RBFOX1: variants seen among roughly 807,000 people sequenced by gnomAD.
The protein encoded by RBFOX1 is RNA binding fox-1 homolog 1.
Under a neutral mutation model 57.7 loss-of-function variants are expected in RBFOX1, and 8 were observed. The observed-to-expected ratio is 0.14, with a 90% CI of 0.08 to 0.25. The LOEUF is 0.25. RBFOX1 is among the 10% of genes least tolerant of loss of function. The pLI, the probability that RBFOX1 is intolerant of heterozygous loss-of-function variation, is 1.00. For synonymous variants in RBFOX1, 326 were observed against 222.4 expected (o/e 1.47, Z -4.15); for missense variants, 611 against 548.5 (o/e 1.11, Z -1.14).
At chr16:6,721,303 C>T (rs62015937) in intron 3 of RBFOX1, among the ~76,000 whole-genome samples, 10,566 of 152,106 alleles carry the variant, frequency 0.069, 433 homozygotes, top group African/African-American at 0.083. Flanking sequence ...ATTAGCTGGG[C>T]ATGGTGGCGG....
At chr16:5,993,115 C>T (rs1040252677) in intron 4 of RBFOX1, among the ~76,000 whole-genome samples, 9 of 152,106 alleles carry the variant, frequency 5.9e-5, no homozygotes, top group Non-Finnish European at 8.8e-5. Context: ...GAAAGAGATA[C>T]GGAACAAGCC....
chr16:7,003,868 T>C (rs1393370966), intron 3 of RBFOX1: 3 of 152,162 alleles, frequency 2.0e-5, no homozygotes, highest in South Asian at 4.1e-4. Context: ...TTTCAGATGA[T>C]TGGTTATTTG....
rs370976631 is a variant in RBFOX1 at position 6,671,875 on chromosome 16, C to T, written c.-16+17225C>T. ...TAAGAGTTCATGAAATTTTTGTGTG[C>T]CATTTTACATTCACACTGCCTTTTC... On this transcript the variant is annotated intron_variant, in intron 3 of 15. Coordinates refer to ENST00000550418, the MANE Select transcript of RBFOX1 (RefSeq NM_018723.4). Among the ~76,000 whole-genome samples the T allele has an allele frequency of 3.3e-5, 5 of 152,164 alleles. No individual in the cohort carries two copies. The East Asian group carries it at 7.7e-4, about 23-fold the overall frequency.
At chr16:6,667,410 A>C (rs1416763905) in intron 3 of RBFOX1, among the ~76,000 whole-genome samples, 1 of 152,136 alleles carries the variant, frequency 6.6e-6, no homozygotes, top group African/African-American at 2.4e-5. Flanking sequence ...AGGATTCTAA[A>C]AGGCCTGGCT....
chr16:6,850,460 G>A (rs2141945923), intron 3 of RBFOX1, among the ~76,000 whole-genome samples: 1 of 152,166 alleles, frequency 6.6e-6, no homozygotes, highest in South Asian at 2.1e-4. Flanking sequence ...GGTTTGAGTT[G>A]AGAGCTTATC....
intron 2 of RBFOX1, among the ~76,000 whole-genome samples, chr16:5,542,425 T>G (rs1021655437): frequency 6.6e-5 from 10 of 151,364 alleles, no homozygotes; most frequent in Non-Finnish European, 1.5e-4. Flanking sequence ...ATTTTTTTTT[T>G]TTTTTGTATT....
At chr16:6,402,615 C>G (rs1256605983) in intron 2 of RBFOX1, among the ~76,000 whole-genome samples, 61 of 152,196 alleles carry the variant, frequency 4.0e-4, no homozygotes, top group Non-Finnish European at 4.4e-5. Flanking sequence ...TTGCTGTCCT[C>G]TGCCTCCTTC....
At chr16:5,703,307 T>G (rs899148303) in intron 3 of RBFOX1, among the ~76,000 whole-genome samples, 2 of 152,110 alleles carry the variant, frequency 1.3e-5, no homozygotes, top group Admixed American at 1.3e-4. Context: ...ACCAAGGCTT[T>G]TTGAAAGATG....
intron 4 of RBFOX1, among the ~76,000 whole-genome samples, chr16:5,869,838 G>A (rs1337820370): frequency 2.0e-5 from 3 of 152,022 alleles, no homozygotes; most frequent in East Asian, 1.9e-4. Flanking sequence ...CAAGAGAAAC[G>A]GTGCTTATGT....
At chr16:7,415,304 C>G (rs559632168) in intron 4 of RBFOX1, among the ~76,000 whole-genome samples, 1 of 152,214 alleles carries the variant, frequency 6.6e-6, no homozygotes, top group Non-Finnish European at 1.5e-5. Flanking sequence ...CATTATAATC[C>G]AAGATAAATC....
At chr16:7,470,461 GTGGATGGA>G (rs111579800) in intron 4 of RBFOX1, among the ~76,000 whole-genome samples, 1 of 152,088 alleles carries the variant, frequency 6.6e-6, no homozygotes, top group South Asian at 2.1e-4. Context: ...GGGTGGATGA[GTGGATGGA>G]TGGATGGATG....
intron 4 of RBFOX1, among the ~76,000 whole-genome samples, chr16:7,437,707 A>T (rs928696277): frequency 1.3e-5 from 2 of 152,164 alleles, no homozygotes; most frequent in Non-Finnish European, 2.9e-5. Flanking sequence ...TTGTCTGGAG[A>T]TTAGCCTACT....
chr16:5,525,480 G>C (rs1402269662), intron 2 of RBFOX1, among the ~76,000 whole-genome samples: 3 of 145,214 alleles, frequency 2.1e-5, no homozygotes, highest in Non-Finnish European at 3.0e-5. Flanking sequence ...GCTGGCTCTA[G>C]AGCCGACACT....
chr16:6,331,115 A>G lies in RBFOX1; in HGVS notation c.-64+14058A>G, dbSNP rs577227007. ...ATTGATCTGGCTACTGTGTTGAAGA[A>G]GGCTTGAAGAGGAGGCAAAAAGAAC... is the stretch of plus-strand genomic sequence containing the variant. On this transcript the variant is annotated intron_variant, in intron 2 of 15. Transcript: ENST00000550418. Among the ~76,000 whole-genome samples the G allele has an allele frequency of 3.9e-5, 6 of 152,318 alleles. No homozygotes were observed. The East Asian group carries it at 1.2e-3, about 29-fold the overall frequency.
At chr16:6,961,478 A>T (rs2082997236) in intron 3 of RBFOX1, among the ~76,000 whole-genome samples, 1 of 152,178 alleles carries the variant, frequency 6.6e-6, no homozygotes, top group Non-Finnish European at 1.5e-5. Context: ...ATCCCAAAGG[A>T]GGGTTCTTGG....
chr16:5,379,735 C>G (rs958681360), intron 1 of RBFOX1, among the ~76,000 whole-genome samples: 1 of 152,188 alleles, frequency 6.6e-6, no homozygotes, highest in East Asian at 1.9e-4. Flanking sequence ...AAAGATGAGG[C>G]TCTTTATCTC....
chr16:6,830,667 C>G (rs1036865066), intron 3 of RBFOX1, among the ~76,000 whole-genome samples: 2 of 152,096 alleles, frequency 1.3e-5, no homozygotes, highest in African/African-American at 2.4e-5. Context: ...AAAGACTTCC[C>G]CAAGCCAAAA....
At chr16:5,797,426 C>T (rs892696662) in intron 3 of RBFOX1, among the ~76,000 whole-genome samples, 1 of 152,216 alleles carries the variant, frequency 6.6e-6, no homozygotes, top group African/African-American at 2.4e-5. Context: ...ATTTTCTGCT[C>T]TTCCTGTAAC....
chr16:7,252,815 T>C (rs1277291750), intron 4 of RBFOX1, among the ~76,000 whole-genome samples: 1 of 152,040 alleles, frequency 6.6e-6, no homozygotes, highest in African/African-American at 2.4e-5. Context: ...TAACGTCAGA[T>C]CTGGGATGTG....
Sources: gnomAD v4.1 joint callset for allele counts (sites outside exome capture counted in the v4.1 genomes callset) on GRCh38, gnomAD v4.1.1 for gene constraint, MANE v1.5 for transcripts, NCBI Gene and HGNC (gene_info 2026-07-23, HGNC 2026-07-21) for gene names.